Variants in PASD1 observed in about 807,000 individuals in gnomAD.
PASD1 encodes PAS domain containing repressor 1, also known as circadian clock protein PASD1.
Under a neutral mutation model 58.8 loss-of-function variants are expected in PASD1, and 13 were observed. The ratio of observed to expected loss-of-function variants is 0.22; its 90% CI spans 0.14 to 0.35. The LOEUF (loss-of-function observed/expected upper bound fraction) is 0.35. Among genes scored for constraint, PASD1 ranks in the 10% least tolerant of loss-of-function variants. The pLI is 1.00. For synonymous variants in PASD1, 236 were observed against 216.7 expected (o/e 1.09, Z -0.78); for missense variants, 734 against 568.3 (o/e 1.29, Z -2.96).
At chrX:151,570,133 G>A (rs138239332) in intron 1 of PASD1, among the ~76,000 whole-genome samples, 26 of 111,177 alleles carry the variant, frequency 2.3e-4, no homozygotes, top group African/African-American at 8.5e-4. Flanking sequence ...AGGAGAACTG[G>A]GGGTTAGGCT....
chrX:151,628,399 G>A (rs765275889), intron 8 of PASD1, among the ~76,000 whole-genome samples: 7 of 112,114 alleles, frequency 6.2e-5, no homozygotes, highest in Non-Finnish European at 1.1e-4. Flanking sequence ...GTAAGGAAGC[G>A]ATCCAGTTTC....
In PASD1 at chrX:151,625,445, C is replaced by T. The variant is rs1255009587; in HGVS notation, c.547-3C>T. ...ATGTCTAAATATTTGAATTTTTCTG[C>T]AGCAACTTTACACTTCAAAGGCAGT... On this transcript the variant is annotated splice_polypyrimidine_tract_variant and splice_region_variant and intron_variant, in intron 7 of 15. Transcript: ENST00000370357. 4 of 1,196,810 alleles carry T rather than the reference C, an allele frequency of 3.3e-6. No homozygotes were observed. The highest frequency in any genetic ancestry group is 4.5e-6 in the Non-Finnish European group (4 of 887,370).
intron 4 of PASD1, among the ~76,000 whole-genome samples, chrX:151,612,313 A>G (rs1411048509): frequency 2.8e-5 from 3 of 105,531 alleles, no homozygotes; most frequent in African/African-American, 1.0e-4. Context: ...ATGATTTATA[A>G]TCCTTTGGGT....
At chrX:151,590,486 A>T (rs1197741062) in intron 1 of PASD1, among the ~76,000 whole-genome samples, 1 of 111,827 alleles carries the variant, frequency 8.9e-6, no homozygotes, top group Non-Finnish European at 1.9e-5. Context: ...TAGTCCATGG[A>T]TGGTGGAAGA....
At position 151,664,335 on chromosome X, in the gene PASD1, G is replaced by C; in HGVS notation, c.1058G>C (p.Gly353Ala). ...GACTCAGTGGACCTGGGGGCTGCTGGCGCAAGTGCTCAGGTACTCTGAAAG... is the reference window on the plus strand; with the variant it reads ...GACTCAGTGGACCTGGGGGCTGCTGCCGCAAGTGCTCAGGTACTCTGAAAG... Reference protein sequence around the residue: ...PEDSVDLGAAGASAQPLQPSS... With the variant: ...PEDSVDLGAAAASAQPLQPSS... Residue 353 changes from glycine to alanine, a missense_variant, in exon 11 of 16, where the codon GGC becomes GCC. Physicochemically the swap from Gly to Ala is moderately conservative, Grantham distance 60. Coordinates refer to ENST00000370357, the MANE Select transcript of PASD1 (RefSeq NM_173493.3). 1.7e-5 allele frequency: 21 copies of C among 1,211,884 alleles called. No homozygotes were observed. Among genetic ancestry groups the C allele is most frequent in the Non-Finnish European group, 2.1e-5 (19 of 895,524 alleles).
intron 8 of PASD1, among the ~76,000 whole-genome samples, chrX:151,646,475 C>T (rs2014062124): frequency 8.9e-6 from 1 of 112,198 alleles, no homozygotes; most frequent in South Asian, 3.7e-4. Flanking sequence ...CTACGGAGCA[C>T]TTGAAATGTG....
Position 151,591,177 on chromosome X carries a change from T to C in PASD1, c.-27-10350T>C, listed in dbSNP as rs147232953. ...TGTGGGCCTTATCCCAATTAGACAC[T>C]GATACATCTATATTATCATAGTAGT... is the stretch of plus-strand genomic sequence containing the variant. On this transcript the variant is annotated intron_variant, in intron 1 of 15. Transcript: ENST00000370357. Among the ~76,000 whole-genome samples the C allele has an allele frequency of 5.3e-3, 588 of 111,878 alleles. 5 individuals are homozygous for C. Among genetic ancestry groups the C allele is most frequent in the African/African-American group, 0.018 (567 of 30,759 alleles).
In PASD1 at chrX:151,664,200, T is replaced by G; in HGVS notation, c.923T>G (p.Val308Gly). 8.3e-7 allele frequency: 1 copy of G among 1,211,423 alleles called. No individual in the cohort carries two copies. Among genetic ancestry groups the G allele is most frequent in the Non-Finnish European group, 1.1e-6 (1 of 895,434 alleles). ...RADPVDLEFS[V>G]DQVDSVDQEG... Reference sequence around the variant, plus strand: ...GACCCAGTGGACCTGGAGTTCTCGGTGGATCAGGTGGACTCAGTGGACCAG... The same window carrying G: ...GACCCAGTGGACCTGGAGTTCTCGGGGGATCAGGTGGACTCAGTGGACCAG... Residue 308 changes from valine to glycine, a missense_variant, in exon 11 of 16, where the codon GTG (valine) becomes GGG (glycine). Coordinates refer to ENST00000370357, the MANE Select transcript of PASD1 (RefSeq NM_173493.3).
At chrX:151,617,158 T>C (rs906631195) in intron 4 of PASD1, among the ~76,000 whole-genome samples, 22 of 111,698 alleles carry the variant, frequency 2.0e-4, no homozygotes, top group African/African-American at 7.1e-4. Context: ...CCTTGCTTCA[T>C]TAAGCTCTAA....
chrX:151,626,018 T>A (rs1014247413), intron 8 of PASD1, among the ~76,000 whole-genome samples: 1 of 111,956 alleles, frequency 8.9e-6, no homozygotes, highest in African/African-American at 3.2e-5. Context: ...ATAATTCACA[T>A]TTTTCCAACA....
intron 1 of PASD1, among the ~76,000 whole-genome samples, chrX:151,567,062 AAATAAATAAATAAATAAATAAATAAAT>A (rs1405157447): frequency 2.3e-5 from 2 of 87,660 alleles, no homozygotes; most frequent in East Asian, 3.0e-4. Flanking sequence ...ATAAATAAAT[AAATAAATAAATAAATAAATAAATAAAT>A]AAATAAAATA....
chrX:151,620,036 G>A (rs772078542), intron 4 of PASD1, among the ~76,000 whole-genome samples: 3 of 111,407 alleles, frequency 2.7e-5, no homozygotes, highest in African/African-American at 3.3e-5. Flanking sequence ...AAGGTTATGC[G>A]TTTTTAGAAT....
intron 1 of PASD1, among the ~76,000 whole-genome samples, chrX:151,575,282 A>G (rs1451417593): frequency 9.1e-6 from 1 of 110,144 alleles, no homozygotes; most frequent in African/African-American, 3.3e-5. Context: ...TTTCTGTGAG[A>G]ATTGTAACAC....
intron 4 of PASD1, among the ~76,000 whole-genome samples, chrX:151,614,801 C>T (rs190487919): frequency 9.2e-4 from 103 of 111,705 alleles, no homozygotes; most frequent in African/African-American, 3.0e-3. Context: ...TTGGCATGTT[C>T]CGTGGCCTTC....
rs764797713 is a variant in PASD1, at chrX:151,631,250, A to G, written c.629+5720A>G. 5.4e-5 allele frequency among the ~76,000 whole-genome samples: 6 copies of G among 111,683 alleles called. No homozygotes were observed. In the South Asian group the frequency reaches 2.3e-3, roughly 42 times the overall value. The stretch of plus-strand genomic sequence containing the variant: ...ACTCATTGTACAGGTGAGAAAGTGC[A>G]CTCACAGAGGATGTATGATTCACCC... On this transcript the variant is annotated intron_variant, in intron 8 of 15. Transcript: ENST00000370357.
intron 1 of PASD1, among the ~76,000 whole-genome samples, chrX:151,566,785 G>C (rs999133482): frequency 9.0e-6 from 1 of 111,228 alleles, no homozygotes; most frequent in African/African-American, 3.3e-5. Context: ...TTCAGATTTT[G>C]TCCGGACGCG....
At chrX:151,627,321 C>T (rs2013800943) in intron 8 of PASD1, among the ~76,000 whole-genome samples, 1 of 110,253 alleles carries the variant, frequency 9.1e-6, no homozygotes, top group African/African-American at 3.3e-5. Flanking sequence ...CTTCATTTAA[C>T]ATTAGGTATA....
intron 1 of PASD1, among the ~76,000 whole-genome samples, chrX:151,575,130 T>C (rs768852224): frequency 1.8e-5 from 2 of 108,219 alleles, no homozygotes; most frequent in South Asian, 8.1e-4. Context: ...TAAACCATCA[T>C]GGTGATTGCA....
At chrX:151,613,115 A>G (rs1431130789) in intron 4 of PASD1, among the ~76,000 whole-genome samples, 1 of 111,901 alleles carries the variant, frequency 8.9e-6, no homozygotes, top group Non-Finnish European at 1.9e-5. Context: ...TTTGTCAAAG[A>G]TCGGACAGTT....
Sources: allele counts gnomAD v4.1 joint callset (sites outside exome capture counted in the v4.1 genomes callset), GRCh38; gene constraint gnomAD v4.1.1; transcripts MANE v1.5; gene names NCBI Gene and HGNC (gene_info 2026-07-23, HGNC 2026-07-21).